Variants in CCT2 observed in about 807,000 individuals in gnomAD.
CCT2 encodes chaperonin containing TCP1 subunit 2, also known as T-complex protein 1 subunit beta.
CCT2 carries 18 observed loss-of-function variants against 61.8 expected under a neutral mutation model. The ratio of observed to expected loss-of-function variants is 0.29; its 90% CI spans 0.20 to 0.43. The LOEUF (loss-of-function observed/expected upper bound fraction) is 0.43, where lower values mean the gene tolerates loss of function less well. CCT2 is among the 20% of genes least tolerant of loss of function. The pLI, the probability that CCT2 is intolerant of heterozygous loss-of-function variation, is 1.00. For synonymous variants in CCT2, 248 were observed against 215.9 expected (o/e 1.15, Z -1.30); for missense variants, 556 against 656.9 (o/e 0.85, Z 1.68).
At chr12:69,586,226 A>C (rs775238651) in intron 1 of CCT2, 44 bp from the exon 2 acceptor site, 7 of 1,397,692 alleles carry the variant, frequency 5.0e-6, no homozygotes, top group Middle Eastern at 3.5e-4. Context: ...TATGTGTTAG[A>C]GTATTGGTAC....
intron 7 of CCT2, 89 bp downstream of exon 7, chr12:69,589,776 T>C (rs981930633): frequency 4.4e-5 from 46 of 1,049,298 alleles, no homozygotes; most frequent in Admixed American, 6.1e-5. Flanking sequence ...AGTGACCCTT[T>C]ACAAAGCCAG....
chr12:69,593,773 C>T (rs1208979914), intron 10 of CCT2, among the ~76,000 whole-genome samples, 160 bp downstream of exon 10: 1 of 152,186 alleles, frequency 6.6e-6, no homozygotes, highest in African/African-American at 2.4e-5. Flanking sequence ...AGATACATTA[C>T]ATTTACGATA....
chr12:69,591,308 G>A (rs1010963660), intron 7 of CCT2, among the ~76,000 whole-genome samples: 3 of 152,196 alleles, frequency 2.0e-5, no homozygotes, highest in African/African-American at 4.8e-5. Context: ...AAAGCAGCAG[G>A]ACTAGGCTGG....
chr12:69,597,062 A>C (rs1882013443), intron 10 of CCT2, 94 bp from the exon 11 acceptor site: 1 of 1,140,536 alleles, frequency 8.8e-7, no homozygotes, highest in African/African-American at 1.5e-5. Context: ...AATGTGAAAC[A>C]CATTACCTAT....
intron 10 of CCT2, among the ~76,000 whole-genome samples, chr12:69,593,883 A>C (rs767912464): frequency 6.6e-6 from 1 of 152,030 alleles, no homozygotes; most frequent in Non-Finnish European, 1.5e-5. Flanking sequence ...TGTGCCTGTA[A>C]TCCCAGCACT....
chr12:69,585,718 T>A, intron 1 of CCT2, 194 bp downstream of exon 1: 1 of 1,467,756 alleles, frequency 6.8e-7, no homozygotes, highest in Non-Finnish European at 9.0e-7. Flanking sequence ...GGGGGAGGGG[T>A]GGACCGCAAA....
intron 9 of CCT2, 24 bp downstream of exon 9, chr12:69,593,127 G>C (rs745840327): frequency 3.1e-6 from 5 of 1,589,660 alleles, no homozygotes; most frequent in Non-Finnish European, 4.3e-6. Context: ...TTTAAGAAAG[G>C]ATTTTTTTCC....
intron 10 of CCT2, among the ~76,000 whole-genome samples, 177 bp downstream of exon 10, chr12:69,593,790 T>A (rs1881906126): frequency 6.6e-6 from 1 of 152,198 alleles, no homozygotes; most frequent in African/African-American, 2.4e-5. Flanking sequence ...GATACCAAGT[T>A]ATATACCACA....
chr12:69,596,601 A>T (rs1882000368), intron 10 of CCT2, among the ~76,000 whole-genome samples: 1 of 152,160 alleles, frequency 6.6e-6, no homozygotes, highest in Non-Finnish European at 1.5e-5. Flanking sequence ...AGGCCTTAGG[A>T]CATTTCATTT....
intron 1 of CCT2, chr12:69,585,897 C>T (rs1565797013): frequency 3.1e-6 from 4 of 1,275,932 alleles, no homozygotes; most frequent in Non-Finnish European, 4.0e-6. Context: ...CCGCAGCCTT[C>T]CGAGGGTGGA....
chr12:69,600,105 T>G, intron 15 of CCT2, 101 bp downstream of exon 15: 5 of 1,129,224 alleles, frequency 4.4e-6, no homozygotes, highest in Non-Finnish European at 6.1e-6. Flanking sequence ...GAGACAGTTT[T>G]GCCTGGATAA....
intron 1 of CCT2, chr12:69,586,026 C>T (rs779045190): frequency 2.1e-5 from 29 of 1,373,472 alleles, no homozygotes; most frequent in Middle Eastern, 2.8e-4. Context: ...AACTGTCAAT[C>T]TCGCTGGTGT....
chr12:69,601,386 C>A lies in CCT2; in HGVS notation c.*61C>A. The A allele has an allele frequency of 6.2e-7, 1 of 1,613,578 alleles. No individual in the cohort carries two copies. On this transcript the variant is annotated 3_prime_UTR_variant, in exon 16 of 16. Transcript: ENST00000299300. Reference sequence around the variant, plus strand: ...CTAGCAAAGTTGTGTTTGAAAGATACTCTATTAAAGAAGACTGTGGAATCT... The same window carrying A: ...CTAGCAAAGTTGTGTTTGAAAGATAATCTATTAAAGAAGACTGTGGAATCT...
At chr12:69,594,448 A>G (rs148485219) in intron 10 of CCT2, among the ~76,000 whole-genome samples, 2 of 152,368 alleles carry the variant, frequency 1.3e-5, no homozygotes, top group East Asian at 1.9e-4. Flanking sequence ...TCAACATTGT[A>G]TAATGAAAAT....
chr12:69,589,734 G>A (rs1047229286), intron 7 of CCT2, 47 bp downstream of exon 7: 25 of 1,419,112 alleles, frequency 1.8e-5, no homozygotes, highest in Non-Finnish European at 2.5e-5. Flanking sequence ...GATGCTGAGG[G>A]CTGAATACTG....
At chr12:69,601,036 A>T (rs1025485830) in intron 15 of CCT2, among the ~76,000 whole-genome samples, 1 of 152,124 alleles carries the variant, frequency 6.6e-6, no homozygotes, top group African/African-American at 2.4e-5. Flanking sequence ...CTTCCTCCTC[A>T]CCTAAAGCCA....
intron 14 of CCT2, among the ~76,000 whole-genome samples, chr12:69,599,087 T>C (rs189118963): frequency 1.3e-5 from 2 of 152,308 alleles, no homozygotes; most frequent in African/African-American, 4.8e-5. Flanking sequence ...ATTGTTGTTA[T>C]TACTATTATT....
chr12:69,589,407 AT>A, intron 6 of CCT2, 77 bp from the exon 7 acceptor site: 1 of 959,096 alleles, frequency 1.0e-6, no homozygotes, highest in Non-Finnish European at 1.6e-6. Context: ...GGGTAAAATT[AT>A]CTATTGACAT....
intron 1 of CCT2, chr12:69,585,748 T>C (rs1881629430): frequency 1.6e-5 from 23 of 1,442,190 alleles, no homozygotes; most frequent in Middle Eastern, 5.0e-4. Context: ...TCCTTGTGCC[T>C]AGGTCTTTGC....
Sources: allele counts gnomAD v4.1 joint callset (sites outside exome capture counted in the v4.1 genomes callset), GRCh38; gene constraint gnomAD v4.1.1; transcripts MANE v1.5; gene names NCBI Gene and HGNC (gene_info 2026-07-23, HGNC 2026-07-21).